The following IL2RA variants were observed in gnomAD, a reference collection of about 807,000 sequenced individuals.
IL2RA encodes interleukin-2 receptor subunit alpha.
IL2RA carries 24 observed loss-of-function variants against 37.8 expected under a neutral mutation model. The observed-to-expected ratio is 0.63, with a 90% CI of 0.46 to 0.89. The LOEUF (loss-of-function observed/expected upper bound fraction) is 0.89, where lower values mean the gene tolerates loss of function less well. Among genes scored for constraint, IL2RA ranks in the 40% least tolerant of loss-of-function variants. The probability of loss-of-function intolerance (pLI) is 0.00; values close to 1 mark genes in which losing one functional copy is unlikely to be tolerated. For missense variants in IL2RA, 319 were observed against 348.6 expected (o/e 0.92, Z 0.68); for synonymous variants, 125 against 114.6 (o/e 1.09, Z -0.58).
At chr10:6,013,500 G>A (rs926410768) in intron 7 of IL2RA, among the ~76,000 whole-genome samples, 10 of 152,128 alleles carry the variant, frequency 6.6e-5, no homozygotes, top group African/African-American at 2.4e-4. Flanking sequence ...TTTGCACAGA[G>A]TTCCCATAGC....
At chr10:6,032,625 G>C (rs1011542769) in intron 1 of IL2RA, among the ~76,000 whole-genome samples, 15 of 151,286 alleles carry the variant, frequency 9.9e-5, no homozygotes, top group Non-Finnish European at 1.6e-4. Context: ...CTTGGGAGGT[G>C]GAGCTTGCAG....
rs1053142982 is a variant in IL2RA at position 6,014,029 on chromosome 10, C to T, written c.795-1133G>A. ...AAATGTTTTTGTAGAGACAAGGTCT[C>T]ACTTTGTTGCCCAGGCTGGTCTCAA... On this transcript the variant is annotated intron_variant, in intron 7 of 7. Transcript: ENST00000379959. This position sits in a 1 kb window ranked among gnomAD's most constrained non-coding sequence, Gnocchi z 4.4. 6.6e-6 allele frequency among the ~76,000 whole-genome samples: 1 copy of T among 151,978 alleles called. No individual in the cohort carries two copies. The highest frequency in any genetic ancestry group is 2.4e-5 in the African/African-American group (1 of 41,360).
chr10:6,021,754 G>A lies in IL2RA; in HGVS notation c.368-61C>T, dbSNP rs1839391657. The A allele has an allele frequency of 2.1e-6, 3 of 1,401,212 alleles. No homozygotes were observed. Among genetic ancestry groups the A allele is most frequent in the Admixed American group, 1.7e-5 (1 of 58,980 alleles). 86.8% of individuals were successfully genotyped at this position (1,401,212 alleles called of 1,614,324 possible). ...GGGACAGCACCGCGAGTGAGTCCAG[G>A]TTGCCTCTTGCTAGGGACTGGACCT... On this transcript the variant is annotated intron_variant, in intron 3 of 7. Coordinates refer to ENST00000379959, the MANE Select transcript of IL2RA (RefSeq NM_000417.3). This position sits in a 1 kb window ranked among gnomAD's most constrained non-coding sequence, Gnocchi z 4.9.
In IL2RA at chr10:6,015,217, C is replaced by T. The variant is rs369533315; in HGVS notation, c.795-2321G>A. Among the ~76,000 whole-genome samples, 344 of 151,918 alleles carry T rather than the reference C, an allele frequency of 2.3e-3. 13 individuals carry two copies. The South Asian group carries it at 0.069, about 30-fold the overall frequency. On this transcript the variant is annotated intron_variant, in intron 7 of 7. Transcript: ENST00000379959. The surrounding 1 kb of genome is among the most constrained non-coding windows in gnomAD (Gnocchi z 4.9). ...AAGCGATTCTCCTGCATCAGCCTCC[C>T]GAGTAGCTAAGATTATAGGTGCGCA... is the stretch of plus-strand genomic sequence containing the variant.
In IL2RA at chr10:6,044,511, C is replaced by G. The variant is rs553898245; in HGVS notation, c.64+17577G>C. Among the ~76,000 whole-genome samples the G allele has an allele frequency of 2.0e-5, 3 of 152,142 alleles. No homozygotes were observed. Among genetic ancestry groups the G allele is most frequent in the African/African-American group, 7.2e-5 (3 of 41,412 alleles). On this transcript the variant is annotated intron_variant, in intron 1 of 7. Coordinates refer to ENST00000379959, the MANE Select transcript of IL2RA (RefSeq NM_000417.3). The surrounding 1 kb of genome is among the most constrained non-coding windows in gnomAD (Gnocchi z 4.5). ...TCACTGCTATGGAAAGGAGCAGGAACGCCTGGGTGTTGCCATGGCAATGGT... is the reference window on the plus strand; with the variant it reads ...TCACTGCTATGGAAAGGAGCAGGAAGGCCTGGGTGTTGCCATGGCAATGGT...
At position 6,044,443 on chromosome 10, in the gene IL2RA, C is replaced by T. The variant is rs1299066420; in HGVS notation, c.64+17645G>A. Among the ~76,000 whole-genome samples, 8 of 152,142 alleles carry T rather than the reference C, an allele frequency of 5.3e-5. No homozygotes were observed. In the East Asian group the frequency reaches 1.5e-3, roughly 29 times the overall value. ...TACACGCAGTTTAAGGGGCAGTTTG[C>T]AGAAATTTCTAGGGAAGGGGTAGTA... On this transcript the variant is annotated intron_variant, in intron 1 of 7. Coordinates refer to ENST00000379959, the MANE Select transcript of IL2RA (RefSeq NM_000417.3). The surrounding 1 kb of genome is among the most constrained non-coding windows in gnomAD (Gnocchi z 4.5).
chr10:6,021,658 C>G lies in IL2RA; in HGVS notation c.403G>C (p.Ala135Pro). 1 of 1,614,126 alleles carries G rather than the reference C, an allele frequency of 6.2e-7. No individual in the cohort carries two copies. Among genetic ancestry groups the G allele is most frequent in the South Asian group, 1.1e-5 (1 of 91,080 alleles). Residue 135 changes from alanine (A) to proline (P), a missense_variant, in exon 4 of 8, where the codon GCC (alanine) becomes CCC (proline). Transcript: ENST00000379959. This position sits in a 1 kb window ranked among gnomAD's most constrained non-coding sequence, Gnocchi z 4.9. ...CREPPPWENE[A>P]TERIYHFVVG... ...ACGAAATGATAAATTCTCTCTGTGGCTTCATTTTCCCATGGTGGAGGTTCC... is the reference window on the plus strand; with the variant it reads ...ACGAAATGATAAATTCTCTCTGTGGGTTCATTTTCCCATGGTGGAGGTTCC...
intron 6 of IL2RA, 69 bp downstream of exon 6, chr10:6,019,359 C>T (rs537147260): frequency 2.2e-5 from 27 of 1,208,132 alleles, no homozygotes; most frequent in Middle Eastern, 3.8e-4. Context: ...AACCAACCTA[C>T]TAACCAGTCA....
chr10:6,028,592 C>A lies in IL2RA; in HGVS notation c.65-2567G>T, dbSNP rs918581126. ...TTAAAGGACCATAAGATAATCTAGACCCTTTATAATGTATAGCTCATAATA... is the reference window on the plus strand; with the variant it reads ...TTAAAGGACCATAAGATAATCTAGAACCTTTATAATGTATAGCTCATAATA... On this transcript the variant is annotated intron_variant, in intron 1 of 7. Coordinates refer to ENST00000379959, the MANE Select transcript of IL2RA (RefSeq NM_000417.3). This position sits in a 1 kb window ranked among gnomAD's most constrained non-coding sequence, Gnocchi z 4.1. 3.9e-5 allele frequency among the ~76,000 whole-genome samples: 6 copies of A among 152,166 alleles called. No individual in the cohort carries two copies. Among genetic ancestry groups the A allele is most frequent in the Non-Finnish European group, 8.8e-5 (6 of 68,042 alleles).
chr10:6,059,088 G>C (rs1840088199), intron 1 of IL2RA, among the ~76,000 whole-genome samples: 3 of 152,246 alleles, frequency 2.0e-5, no homozygotes, highest in African/African-American at 7.2e-5. Flanking sequence ...TCTGTGATGA[G>C]ATGGTTTCTT....
chr10:6,044,034 A>G lies in IL2RA; in HGVS notation c.65-18009T>C, dbSNP rs1839812367. On this transcript the variant is annotated intron_variant, in intron 1 of 7. Transcript: ENST00000379959. This position sits in a 1 kb window ranked among gnomAD's most constrained non-coding sequence, Gnocchi z 4.5. The stretch of plus-strand genomic sequence containing the variant: ...GAGAAAGAAACCCCCCTCTCCCCAA[A>G]CTCAGTGGCAAGTCCACAGCGGGGA... 6.6e-6 allele frequency among the ~76,000 whole-genome samples: 1 copy of G among 152,090 alleles called. No homozygotes were observed. The highest frequency in any genetic ancestry group is 1.5e-5 in the Non-Finnish European group (1 of 68,012).
At chr10:6,052,345 G>A (rs1404350668) in intron 1 of IL2RA, among the ~76,000 whole-genome samples, 1 of 152,156 alleles carries the variant, frequency 6.6e-6, no homozygotes, top group African/African-American at 2.4e-5. Context: ...CTTTAAACTT[G>A]TATCTCAGCA....
rs1839902157 is a variant in IL2RA, at chr10:6,048,624, G to T, written c.64+13464C>A. 6.6e-6 allele frequency among the ~76,000 whole-genome samples: 1 copy of T among 152,232 alleles called. No individual in the cohort carries two copies. Among genetic ancestry groups the T allele is most frequent in the African/African-American group, 2.4e-5 (1 of 41,466 alleles). Reference sequence around the variant, plus strand: ...CGAACAGAAGCTGAGGCCCACCGAGGTTAAAACCCTACCCTCATGGACTTC... The same window carrying T: ...CGAACAGAAGCTGAGGCCCACCGAGTTTAAAACCCTACCCTCATGGACTTC... On this transcript the variant is annotated intron_variant, in intron 1 of 7. Transcript: ENST00000379959. The surrounding 1 kb of genome is among the most constrained non-coding windows in gnomAD (Gnocchi z 5.3).
At chr10:6,037,086 C>G (rs1029294586) in intron 1 of IL2RA, among the ~76,000 whole-genome samples, 1 of 152,142 alleles carries the variant, frequency 6.6e-6, no homozygotes, top group African/African-American at 2.4e-5. Context: ...GAGGACAGGA[C>G]TCCCATCCCT....
chr10:6,034,609 C>A (rs1839651117), intron 1 of IL2RA, among the ~76,000 whole-genome samples: 1 of 152,110 alleles, frequency 6.6e-6, no homozygotes, highest in Non-Finnish European at 1.5e-5. Context: ...TATTATCATT[C>A]TTTTATTTTT....
Position 6,018,173 on chromosome 10 carries a change from A to G in IL2RA, c.728-54T>C. 2 of 1,418,256 alleles carry G rather than the reference A, an allele frequency of 1.4e-6. No homozygotes were observed. Among genetic ancestry groups the G allele is most frequent in the Non-Finnish European group, 2.0e-6 (2 of 1,004,516 alleles). The allele number at this position is 1,418,256 out of a possible 1,614,324, so 87.9% of individuals were successfully genotyped here. A position where few individuals can be genotyped will look rare whatever the true frequency, so the allele number is the denominator to read the frequency against. ...AGGGCCCTGGGCTTGGCATGGGGGC[A>G]GCAGGAGCCAGGGCCACAGGGCAGG... On this transcript the variant is annotated intron_variant, in intron 6 of 7. Transcript: ENST00000379959. The surrounding 1 kb of genome is among the most constrained non-coding windows in gnomAD (Gnocchi z 5.1).
In IL2RA at chr10:6,028,757, G is replaced by C. The variant is rs1372527095; in HGVS notation, c.65-2732C>G. Among the ~76,000 whole-genome samples the C allele has an allele frequency of 6.6e-6, 1 of 152,170 alleles. No homozygotes were observed. The highest frequency in any genetic ancestry group is 1.5e-5 in the Non-Finnish European group (1 of 68,018). ...TCATGCCTGTAATCCCAGCACTTTG[G>C]GGCGACAAGGCAGGCGGATCATCTG... On this transcript the variant is annotated intron_variant, in intron 1 of 7. Transcript: ENST00000379959. The surrounding 1 kb of genome is among the most constrained non-coding windows in gnomAD (Gnocchi z 4.1).
intron 7 of IL2RA, among the ~76,000 whole-genome samples, chr10:6,016,249 T>G (rs1289107806): frequency 6.6e-6 from 1 of 152,240 alleles, no homozygotes; most frequent in East Asian, 1.9e-4. Context: ...CTTGCCCTTC[T>G]GCCTTCTGCC....
rs1337987190 is a variant in IL2RA at position 6,015,240 on chromosome 10, G to A, written c.795-2344C>T. Among the ~76,000 whole-genome samples the A allele has an allele frequency of 3.3e-5, 5 of 151,794 alleles. No homozygotes were observed. The highest frequency in any genetic ancestry group is 4.8e-5 in the African/African-American group (2 of 41,296). ...CCCGAGTAGCTAAGATTATAGGTGCGCACCATGACAGCCAGCTAATTTTTG... is the reference window on the plus strand; with the variant it reads ...CCCGAGTAGCTAAGATTATAGGTGCACACCATGACAGCCAGCTAATTTTTG... On this transcript the variant is annotated intron_variant, in intron 7 of 7. Coordinates refer to ENST00000379959, the MANE Select transcript of IL2RA (RefSeq NM_000417.3). This position sits in a 1 kb window ranked among gnomAD's most constrained non-coding sequence, Gnocchi z 4.9.
Sources: allele counts gnomAD v4.1 joint callset (sites outside exome capture counted in the v4.1 genomes callset), GRCh38; gene constraint gnomAD v4.1.1; non-coding constraint Gnocchi (gnomAD v3.1); transcripts MANE v1.5; gene names NCBI Gene and HGNC (gene_info 2026-07-23, HGNC 2026-07-21).